Variants in RBFOX1 observed in about 807,000 individuals in gnomAD.
The protein encoded by RBFOX1 is RNA binding fox-1 homolog 1, also known as RNA binding protein fox-1 homolog 1.
A neutral mutation model predicts 57.7 loss-of-function variants in RBFOX1; 8 were observed. That is an observed-to-expected ratio of 0.14 (90% CI 0.08 to 0.25). RBFOX1 has a LOEUF of 0.25. Among genes scored for constraint, RBFOX1 ranks in the 10% least tolerant of loss-of-function variants. RBFOX1 has a pLI of 1.00. For missense variants in RBFOX1, 611 were observed against 548.5 expected, an observed-to-expected ratio of 1.11 and a Z score of -1.14; for synonymous variants, 326 against 222.4, an observed-to-expected ratio of 1.47 and a Z score of -4.15.
intron 4 of RBFOX1, among the ~76,000 whole-genome samples, chr16:7,131,265 C>T (rs893218194): frequency 5.0e-4 from 75 of 149,262 alleles, no homozygotes; most frequent in African/African-American, 1.7e-3. Flanking sequence ...AGAATTGCTT[C>T]GACCTGGGAA....
rs574681927 is a variant in RBFOX1, at chr16:6,116,824, A to C, written c.-127+96832A>C. Among the ~76,000 whole-genome samples the C allele has an allele frequency of 3.3e-5, 5 of 152,186 alleles. No homozygotes were observed. In the East Asian group the frequency reaches 9.7e-4, roughly 29 times the overall value. ...GACATGGGACAGCAGAGAAGAGATGAGATGAAATTGGGAGACAGAGGGAGA... is the reference window on the plus strand; with the variant it reads ...GACATGGGACAGCAGAGAAGAGATGCGATGAAATTGGGAGACAGAGGGAGA... On this transcript the variant is annotated intron_variant, in intron 1 of 15. Coordinates refer to ENST00000550418, the MANE Select transcript of RBFOX1 (RefSeq NM_018723.4).
At chr16:7,698,816 G>C (rs1291308571) in intron 14 of RBFOX1, among the ~76,000 whole-genome samples, 1 of 152,166 alleles carries the variant, frequency 6.6e-6, no homozygotes, top group Non-Finnish European at 1.5e-5. Flanking sequence ...CACTTATTGA[G>C]AACCTTCTGT....
intron 4 of RBFOX1, among the ~76,000 whole-genome samples, chr16:7,306,576 T>TGC (rs1238168100): frequency 1.3e-4 from 4 of 30,894 alleles, no homozygotes; most frequent in East Asian, 1.5e-3. Flanking sequence ...GTGGGAATGG[T>TGC]GTGCGTGTGT....
intron 2 of RBFOX1, among the ~76,000 whole-genome samples, chr16:5,557,818 A>G (rs1010642002): frequency 1.3e-5 from 2 of 152,224 alleles, no homozygotes. Context: ...CACCCATAGA[A>G]GTTGCCTTTT....
intron 2 of RBFOX1, among the ~76,000 whole-genome samples, chr16:5,572,131 T>C (rs2046304355): frequency 6.6e-6 from 1 of 152,162 alleles, no homozygotes. Context: ...TTGTTAGGAA[T>C]GGAATGGCTT....
chr16:6,669,625 T>A (rs548215703), intron 3 of RBFOX1, among the ~76,000 whole-genome samples: 53 of 152,304 alleles, frequency 3.5e-4, no homozygotes, highest in African/African-American at 1.3e-3. Flanking sequence ...TATATTGCTA[T>A]TTTTTCTTTT....
At chr16:6,049,471 C>A (rs892937314) in intron 1 of RBFOX1, among the ~76,000 whole-genome samples, 1 of 152,152 alleles carries the variant, frequency 6.6e-6, no homozygotes, top group Non-Finnish European at 1.5e-5. Flanking sequence ...TGGCCACTCT[C>A]CCTCTCTAGT....
At chr16:6,262,751 G>A (rs143370010) in intron 1 of RBFOX1, among the ~76,000 whole-genome samples, 64 of 152,302 alleles carry the variant, frequency 4.2e-4, no homozygotes, top group African/African-American at 1.4e-3. Flanking sequence ...AGCTGGGATT[G>A]TGTCTTGCTC....
chr16:5,652,230 C>G (rs941703304), intron 3 of RBFOX1, among the ~76,000 whole-genome samples: 1 of 152,168 alleles, frequency 6.6e-6, no homozygotes, highest in South Asian at 2.1e-4. Flanking sequence ...CCACTTAGCA[C>G]TTTATATATT....
At chr16:6,237,984 G>C (rs758999197) in intron 1 of RBFOX1, among the ~76,000 whole-genome samples, 1 of 151,294 alleles carries the variant, frequency 6.6e-6, no homozygotes, top group African/African-American at 2.4e-5. Context: ...CCAGCTACTC[G>C]GGAGGCTGAG....
At chr16:5,966,993 G>GGC (rs1555458307) in intron 4 of RBFOX1, among the ~76,000 whole-genome samples, 1 of 118,926 alleles carries the variant, frequency 8.4e-6, no homozygotes, top group Non-Finnish European at 1.7e-5. Context: ...CACTAAATCG[G>GGC]GGGGGGGGGG....
chr16:7,670,881 C>A (rs548709128), intron 13 of RBFOX1, among the ~76,000 whole-genome samples: 1 of 152,268 alleles, frequency 6.6e-6, no homozygotes, highest in East Asian at 1.9e-4. Context: ...TCCTAGTCCG[C>A]ACAAGGATTC....
chr16:5,654,931 G>T (rs993997355), intron 3 of RBFOX1, among the ~76,000 whole-genome samples: 3 of 152,002 alleles, frequency 2.0e-5, no homozygotes, highest in Non-Finnish European at 4.4e-5. Context: ...TACCATTTCA[G>T]CATCCAGGAC....
intron 4 of RBFOX1, among the ~76,000 whole-genome samples, chr16:7,167,459 A>G (rs2079804079): frequency 6.6e-6 from 1 of 152,090 alleles, no homozygotes. Flanking sequence ...TAGAGCTAAG[A>G]GTGATGCAGC....
chr16:5,510,280 G>C (rs891127414), intron 2 of RBFOX1, among the ~76,000 whole-genome samples: 2 of 152,200 alleles, frequency 1.3e-5, no homozygotes, highest in Non-Finnish European at 2.9e-5. Context: ...GCTGTGAGTT[G>C]CGTGGGGTTC....
intron 1 of RBFOX1, among the ~76,000 whole-genome samples, chr16:6,076,576 T>C (rs969299825): frequency 2.6e-5 from 4 of 152,062 alleles, no homozygotes; most frequent in African/African-American, 9.7e-5. Flanking sequence ...CAAGTGATCC[T>C]CCCACCTCTG....
intron 3 of RBFOX1, among the ~76,000 whole-genome samples, chr16:6,916,227 T>C (rs2073126421): frequency 6.6e-6 from 1 of 152,188 alleles, no homozygotes; most frequent in Non-Finnish European, 1.5e-5. Context: ...GAGCTGGGAC[T>C]GATCAGAAGT....
At chr16:6,606,458 A>G (rs1462704236) in intron 2 of RBFOX1, among the ~76,000 whole-genome samples, 1 of 152,034 alleles carries the variant, frequency 6.6e-6, no homozygotes, top group Non-Finnish European at 1.5e-5. Flanking sequence ...GCACCTATCA[A>G]CCCATCACCT....
intron 2 of RBFOX1, among the ~76,000 whole-genome samples, chr16:5,562,954 T>TTAG (rs2045939592): frequency 6.6e-6 from 1 of 152,016 alleles, no homozygotes; most frequent in Non-Finnish European, 1.5e-5. Flanking sequence ...TAGGGCTGTA[T>TTAG]TATTATTATT....
Sources: gnomAD v4.1 joint callset for allele counts (sites outside exome capture counted in the v4.1 genomes callset) on GRCh38, gnomAD v4.1.1 for gene constraint, MANE v1.5 for transcripts, NCBI Gene and HGNC (gene_info 2026-07-23, HGNC 2026-07-21) for gene names.